RORA: variants seen among roughly 807,000 people sequenced by gnomAD.
RORA encodes RAR related orphan receptor A, also known as nuclear receptor ROR-alpha.
Under a neutral mutation model 69.5 loss-of-function variants are expected in RORA, and 7 were observed. The ratio of observed to expected loss-of-function variants is 0.10; its 90% CI spans 0.06 to 0.19. The LOEUF is 0.19. RORA is among the 10% of genes least tolerant of loss of function. The pLI is 1.00. For missense variants in RORA, 457 were observed against 663.0 expected (o/e 0.69, Z 3.41); for synonymous variants, 261 against 240.8 (o/e 1.08, Z -0.78).
At chr15:60,671,619 T>C (rs1040739430) in intron 2 of RORA, among the ~76,000 whole-genome samples, 28 of 151,596 alleles carry the variant, frequency 1.8e-4, no homozygotes, top group Non-Finnish European at 3.8e-4. Flanking sequence ...CTCTCTCTTT[T>C]TTTTCTTTTT....
intron 1 of RORA, among the ~76,000 whole-genome samples, chr15:60,970,119 C>T (rs1893671581): frequency 6.6e-6 from 1 of 152,198 alleles, no homozygotes; most frequent in Non-Finnish European, 1.5e-5. Context: ...TGAAACCTAC[C>T]TTGCTAGCAC....
chr15:60,857,365 G>C (rs746198809), intron 1 of RORA, among the ~76,000 whole-genome samples: 2 of 151,904 alleles, frequency 1.3e-5, no homozygotes, highest in South Asian at 2.1e-4. Context: ...AGACTGAAAT[G>C]ATCTTTGCTC....
chr15:60,538,999 GCA>G (rs57764714), intron 2 of RORA, among the ~76,000 whole-genome samples: 24,813 of 149,972 alleles, frequency 0.17, 3,174 homozygotes, highest in African/African-American at 0.36. Context: ...CCTGCCAAAT[GCA>G]CACACACACA....
At chr15:60,745,089 A>G (rs2071629132) in intron 1 of RORA, among the ~76,000 whole-genome samples, 1 of 152,188 alleles carries the variant, frequency 6.6e-6, no homozygotes, top group Non-Finnish European at 1.5e-5. Flanking sequence ...TCGTCTTGGG[A>G]GTGCTTCATT....
chr15:60,619,072 C>T (rs1283669673), intron 2 of RORA, among the ~76,000 whole-genome samples: 2 of 152,250 alleles, frequency 1.3e-5, no homozygotes, highest in African/African-American at 2.4e-5. Flanking sequence ...CACAGTTACA[C>T]TAATGCATCC....
At chr15:60,765,958 C>T (rs139377609) in intron 1 of RORA, among the ~76,000 whole-genome samples, 2 of 152,096 alleles carry the variant, frequency 1.3e-5, no homozygotes, top group East Asian at 3.9e-4. Context: ...AAACCGGGGA[C>T]CAATTTTCAG....
chr15:60,637,897 GA>G lies in RORA; in HGVS notation c.196+40759del, dbSNP rs1260317232. On this transcript the variant is annotated intron_variant, in intron 2 of 10. Transcript: ENST00000335670. ...AAAAGGTGGCCAAGATGACATACCA[GA>G]AGGCTGTCTAAAATTATTGGAGAAA... Among the ~76,000 whole-genome samples, 6 of 151,892 alleles carry G rather than the reference GA, an allele frequency of 4.0e-5. No homozygotes were observed. The South Asian group carries it at 6.2e-4, about 16-fold the overall frequency.
At chr15:60,815,719 C>A (rs79761048) in intron 1 of RORA, among the ~76,000 whole-genome samples, 2 of 150,896 alleles carry the variant, frequency 1.3e-5, no homozygotes, top group South Asian at 4.2e-4. Flanking sequence ...CCAGTCAACA[C>A]CCCCCGAGGT....
chr15:61,027,737 T>C (rs1257211226), intron 1 of RORA, among the ~76,000 whole-genome samples: 3 of 152,198 alleles, frequency 2.0e-5, no homozygotes, highest in Non-Finnish European at 4.4e-5. Flanking sequence ...GGATAGATAG[T>C]ACCTAAAACT....
chr15:60,508,055 G>C (rs993932925), intron 5 of RORA, among the ~76,000 whole-genome samples: 42 of 152,166 alleles, frequency 2.8e-4, no homozygotes, highest in Non-Finnish European at 5.3e-4. Flanking sequence ...TAGTCGATTT[G>C]GCAAGTGTAA....
chr15:60,662,537 G>A (rs1164001864), intron 2 of RORA, among the ~76,000 whole-genome samples: 6 of 152,176 alleles, frequency 3.9e-5, no homozygotes, highest in Non-Finnish European at 8.8e-5. Context: ...GCTCTGGAAT[G>A]TCCATGTGTG....
chr15:60,922,135 C>A (rs1037603593), intron 1 of RORA, among the ~76,000 whole-genome samples: 1 of 152,014 alleles, frequency 6.6e-6, no homozygotes, highest in African/African-American at 2.4e-5. Flanking sequence ...TTTTAGAAAA[C>A]ATAATTTAAA....
At chr15:60,505,182 C>T (rs1297566637) in intron 6 of RORA, among the ~76,000 whole-genome samples, 1 of 152,154 alleles carries the variant, frequency 6.6e-6, no homozygotes, top group Non-Finnish European at 1.5e-5. Flanking sequence ...ACTTCCAGAC[C>T]TTAAAATCTT....
intron 1 of RORA, among the ~76,000 whole-genome samples, chr15:61,116,467 T>C (rs147490864): frequency 6.6e-6 from 1 of 152,160 alleles, no homozygotes; most frequent in African/African-American, 2.4e-5. Context: ...TCACAACATA[T>C]TCACCTATCA....
intron 1 of RORA, among the ~76,000 whole-genome samples, chr15:60,980,755 C>G (rs1003813169): frequency 3.9e-5 from 6 of 151,910 alleles, no homozygotes; most frequent in African/African-American, 1.4e-4. Flanking sequence ...AACTTTACTA[C>G]TTTCTTTTAT....
chr15:60,671,582 A>T (rs2070472876), intron 2 of RORA, among the ~76,000 whole-genome samples: 1 of 151,562 alleles, frequency 6.6e-6, no homozygotes, highest in Non-Finnish European at 1.5e-5. Context: ...TTCAGAGACC[A>T]GCCTGGGCAA....
At chr15:60,799,715 G>C (rs2140356382) in intron 1 of RORA, among the ~76,000 whole-genome samples, 1 of 152,008 alleles carries the variant, frequency 6.6e-6, no homozygotes, top group Middle Eastern at 3.4e-3. Flanking sequence ...ATTTTTCTTT[G>C]TCTTACTTTC....
chr15:60,607,398 T>G, intron 2 of RORA, among the ~76,000 whole-genome samples: 1 of 152,338 alleles, frequency 6.6e-6, no homozygotes, highest in Middle Eastern at 3.4e-3. Context: ...AGAAATACGC[T>G]GCAGAAAATT....
chr15:60,948,361 T>C (rs1892967107), intron 1 of RORA, among the ~76,000 whole-genome samples: 2 of 152,182 alleles, frequency 1.3e-5, no homozygotes, highest in African/African-American at 2.4e-5. Context: ...AATAAATACA[T>C]TTTTTCTTTC....
Sources: allele counts gnomAD v4.1 joint callset (sites outside exome capture counted in the v4.1 genomes callset), GRCh38; gene constraint gnomAD v4.1.1; transcripts MANE v1.5; gene names NCBI Gene and HGNC (gene_info 2026-07-23, HGNC 2026-07-21).